The following HSPBAP1 variants were observed in gnomAD, a reference collection of about 807,000 sequenced individuals.
HSPBAP1 encodes HSPB1-associated protein 1.
HSPBAP1 carries 27 observed loss-of-function variants against 45.2 expected under a neutral mutation model. The observed-to-expected ratio is 0.60, with a 90% CI of 0.44 to 0.82. The LOEUF is 0.82. HSPBAP1 is among the 40% of genes least tolerant of loss of function. HSPBAP1 has a pLI of 0.00. For synonymous variants in HSPBAP1, 204 were observed against 202.7 expected, an observed-to-expected ratio of 1.01 and a Z score of -0.06; for missense variants, 510 against 590.9, an observed-to-expected ratio of 0.86 and a Z score of 1.42.
At chr3:122,769,421 C>T (rs1934906087) in intron 2 of HSPBAP1, among the ~76,000 whole-genome samples, 1 of 152,176 alleles carries the variant, frequency 6.6e-6, no homozygotes, top group Non-Finnish European at 1.5e-5. Context: ...GATGTATTAT[C>T]TGTCCACAGT....
chr3:122,782,139 G>A (rs1935507894), intron 1 of HSPBAP1, among the ~76,000 whole-genome samples: 1 of 152,208 alleles, frequency 6.6e-6, no homozygotes, highest in African/African-American at 2.4e-5. Flanking sequence ...TGTAAGAAAT[G>A]CTGATGGGAA....
At chr3:122,753,707 AAG>A (rs1208187182) in intron 5 of HSPBAP1, 2 of 974,320 alleles carry the variant, frequency 2.1e-6, no homozygotes, top group African/African-American at 2.1e-5. Flanking sequence ...GGGAAATAGA[AAG>A]AGAGATCCTT....
rs375740928 is a variant in HSPBAP1 at position 122,740,800 on chromosome 3, T to C, written c.1012A>G (p.Thr338Ala). ...GCTTGGATTTCTACTACCTCAGATG[T>C]TCTGCAGCGATCAAAAAATGCAGAA... is the stretch of plus-strand genomic sequence containing the variant. The part of the protein sequence containing the change: ...AVSAFFDRCR[T>A]SEVVEIQALR... Residue 338 changes from threonine (T) to alanine (A), a missense_variant, in exon 8 of 8, where the codon ACA becomes GCA. Physicochemically the swap from Thr to Ala is moderately conservative, Grantham distance 58 (BLOSUM62 0). Coordinates refer to ENST00000306103, the MANE Select transcript of HSPBAP1 (RefSeq NM_024610.6). The C allele has an allele frequency of 3.1e-6, 5 of 1,614,008 alleles. No individual in the cohort carries two copies. In the African/African-American group the frequency reaches 5.3e-5, roughly 17 times the overall value.
At chr3:122,743,498 G>A (rs942372518) in intron 6 of HSPBAP1, among the ~76,000 whole-genome samples, 4 of 152,102 alleles carry the variant, frequency 2.6e-5, no homozygotes, top group Admixed American at 6.6e-5. Context: ...CCTGGGAGGC[G>A]GAGGTTGCGG....
At chr3:122,774,854 T>G (rs1935134405) in intron 2 of HSPBAP1, among the ~76,000 whole-genome samples, 1 of 152,226 alleles carries the variant, frequency 6.6e-6, no homozygotes, top group Admixed American at 6.5e-5. Flanking sequence ...TGTAAGAAGC[T>G]TCACAGATAG....
At chr3:122,745,452 G>T (rs1385470518) in intron 6 of HSPBAP1, among the ~76,000 whole-genome samples, 3 of 152,162 alleles carry the variant, frequency 2.0e-5, no homozygotes, top group Non-Finnish European at 4.4e-5. Flanking sequence ...CACAGTTTCA[G>T]TTACCCGTGG....
At chr3:122,741,809 A>G (rs938089273) in intron 6 of HSPBAP1, 4 of 152,196 alleles carry the variant, frequency 2.6e-5, no homozygotes, top group African/African-American at 9.6e-5. Context: ...ACATATGAAG[A>G]TATGTTTAGC....
intron 2 of HSPBAP1, among the ~76,000 whole-genome samples, chr3:122,772,795 A>G (rs1935046863): frequency 6.6e-6 from 1 of 152,156 alleles, no homozygotes; most frequent in Non-Finnish European, 1.5e-5. Flanking sequence ...TAAAATGAGA[A>G]AGCAAACAAT....
chr3:122,774,302 A>C (rs1328779980), intron 2 of HSPBAP1, among the ~76,000 whole-genome samples: 1 of 152,224 alleles, frequency 6.6e-6, no homozygotes, highest in Admixed American at 6.5e-5. Flanking sequence ...GGTCAGGAAA[A>C]ATGACATTTA....
intron 3 of HSPBAP1, among the ~76,000 whole-genome samples, chr3:122,762,229 A>C (rs983781539): frequency 7.2e-5 from 11 of 151,980 alleles, no homozygotes; most frequent in Non-Finnish European, 1.5e-4. Context: ...TCCTGCCAAA[A>C]ATTGCTATTT....
intron 1 of HSPBAP1, among the ~76,000 whole-genome samples, chr3:122,784,011 A>G (rs531714708): frequency 6.6e-6 from 1 of 152,086 alleles, no homozygotes; most frequent in South Asian, 2.1e-4. Flanking sequence ...TTATATTTTT[A>G]GTAGAGATGG....
chr3:122,749,983 T>TC (rs949946671), intron 6 of HSPBAP1, among the ~76,000 whole-genome samples: 2 of 151,424 alleles, frequency 1.3e-5, no homozygotes, highest in African/African-American at 4.8e-5. Context: ...TCTTTCTTTT[T>TC]TTTTTTTTTT....
Position 122,755,413 on chromosome 3 carries a change from A to G in HSPBAP1, c.588T>C (p.Phe196=). ...QVQGRKRWHL[F]PPEDTPFLYP... is the part of the protein sequence containing the mutation. The stretch of plus-strand genomic sequence containing the variant: ...AAAGGAAAGGAGTATCTTCAGGAGG[A>G]AAGAGATGCCATCGTTTCCTAATTA... The change falls in exon 5 of 8, where the codon TTT becomes TTC. Residue 196 remains phenylalanine, a synonymous_variant. Coordinates refer to ENST00000306103, the MANE Select transcript of HSPBAP1 (RefSeq NM_024610.6). 1 of 1,510,426 alleles carries G rather than the reference A, an allele frequency of 6.6e-7. No individual in the cohort carries two copies. The highest frequency in any genetic ancestry group is 1.3e-5 in the South Asian group (1 of 75,820). The allele number at this position is 1,510,426 out of a possible 1,614,324, so 93.6% of individuals were successfully genotyped here. A position where few individuals can be genotyped will look rare whatever the true frequency, so the allele number is the denominator to read the frequency against.
At position 122,793,771 on chromosome 3, in the gene HSPBAP1, G is replaced by C. The variant is rs768223120; in HGVS notation, c.-91C>G. ...GGGCCAAACTCCGAGACCCGAAGCTGCACCACAGGAAGGAGCCCCGGCGAC... is the reference window on the plus strand; with the variant it reads ...GGGCCAAACTCCGAGACCCGAAGCTCCACCACAGGAAGGAGCCCCGGCGAC... On this transcript the variant is annotated 5_prime_UTR_variant, in exon 1 of 8. Coordinates refer to ENST00000306103, the MANE Select transcript of HSPBAP1 (RefSeq NM_024610.6). 2 of 1,240,394 alleles carry C rather than the reference G, an allele frequency of 1.6e-6. No individual in the cohort carries two copies. The highest frequency in any genetic ancestry group is 2.3e-6 in the Non-Finnish European group (2 of 858,910). 76.8% of individuals were successfully genotyped at this position (1,240,394 alleles called of 1,614,324 possible).
intron 1 of HSPBAP1, among the ~76,000 whole-genome samples, chr3:122,792,753 C>T (rs1278538107): frequency 2.0e-5 from 3 of 152,068 alleles, no homozygotes; most frequent in Non-Finnish European, 4.4e-5. Context: ...CGCTTGTAGT[C>T]CCAGCTGCTT....
At chr3:122,767,582 A>C (rs1271452403) in intron 3 of HSPBAP1, among the ~76,000 whole-genome samples, 4 of 152,024 alleles carry the variant, frequency 2.6e-5, no homozygotes, top group African/African-American at 4.8e-5. Flanking sequence ...AACAACAACA[A>C]AAAAAACAAC....
At position 122,740,494 on chromosome 3, in the gene HSPBAP1, T is replaced by C; in HGVS notation, c.1318A>G (p.Ser440Gly). 1 of 1,614,222 alleles carries C rather than the reference T, an allele frequency of 6.2e-7. No homozygotes were observed. The highest frequency in any genetic ancestry group is 8.5e-7 in the Non-Finnish European group (1 of 1,180,040). The change falls in exon 8 of 8, where the codon AGT (serine) becomes GGT (glycine). Residue 440 changes from serine (S) to glycine (G), a missense_variant. Physicochemically the swap from Ser to Gly is moderately conservative, Grantham distance 56 (BLOSUM62 0). Coordinates refer to ENST00000306103, the MANE Select transcript of HSPBAP1 (RefSeq NM_024610.6). ...ATCTGTTCCTCAATTGCATTTTCAC[T>C]GTTGCTCATTATTTGTTGTCTCTTG... Reference protein sequence around the residue: ...CAKRQQIMSNSENAIEEQIAS... With the variant: ...CAKRQQIMSNGENAIEEQIAS...
Position 122,746,518 on chromosome 3 carries a change from A to G in HSPBAP1, c.826-5405T>C, listed in dbSNP as rs533522087. 4.4e-4 allele frequency among the ~76,000 whole-genome samples: 67 copies of G among 152,130 alleles called. 1 individual carries two copies. The highest frequency in any genetic ancestry group is 1.5e-3 in the African/African-American group (61 of 41,490). ...GTATATGATTAAACAGACATTTCAA[A>G]TCATGAAGGGAAAACAAACTGTAAA... On this transcript the variant is annotated intron_variant, in intron 6 of 7. Transcript: ENST00000306103.
intron 6 of HSPBAP1, among the ~76,000 whole-genome samples, chr3:122,747,285 G>C (rs1159454425): frequency 6.7e-6 from 1 of 148,304 alleles, no homozygotes; most frequent in East Asian, 2.0e-4. Flanking sequence ...CTGAGATGTG[G>C]GGAGCGCCTC....
Sources: gnomAD v4.1 joint callset for allele counts (sites outside exome capture counted in the v4.1 genomes callset) on GRCh38, gnomAD v4.1.1 for gene constraint, MANE v1.5 for transcripts, NCBI Gene and HGNC (gene_info 2026-07-23, HGNC 2026-07-21) for gene names.